IGFN1: variants seen among roughly 807,000 people sequenced by gnomAD.
The protein encoded by IGFN1 is immunoglobulin-like and fibronectin type III domain-containing protein 1.
IGFN1 carries 253 observed loss-of-function variants against 289.5 expected under a neutral mutation model. The observed-to-expected ratio is 0.87, with a 90% confidence interval of 0.79 to 0.97. The LOEUF is 0.97. IGFN1 is among the 50% of genes least tolerant of loss of function. IGFN1 has a pLI of 0.00. For missense variants in IGFN1, 4,470 were observed against 4,686.1 expected, an observed-to-expected ratio of 0.95 and a Z score of 1.35; for synonymous variants, 1,706 against 1,788.5, an observed-to-expected ratio of 0.95 and a Z score of 1.16.
Position 201,206,650 on chromosome 1 carries a change from G to T in IGFN1, c.1757G>T (p.Arg586Ile), listed in dbSNP as rs1172356409. The T allele has an allele frequency of 6.5e-7, 1 of 1,538,222 alleles. No individual in the cohort carries two copies. The highest frequency in any genetic ancestry group is 2.0e-5 in the Admixed American group (1 of 51,000). Residue 586 changes from arginine to isoleucine, a missense_variant, in exon 12 of 24, where the codon AGA becomes ATA. Arg to Ile is a moderately conservative substitution (Grantham distance 97, BLOSUM62 -3). This residue lies in a region of IGFN1 where 2,011 missense variants were observed against 1,953.4 expected (regional missense o/e 1.03). Transcript: ENST00000335211. ...AAGGAGCACAGAGGGGACAGTGGAA[G>T]ACAACTGGACAGGCATGCCCCAGAG... The part of the protein sequence containing the change: ...EGKEHRGDSG[R>I]QLDRHAPEQL...
intron 13 of IGFN1, among the ~76,000 whole-genome samples, chr1:201,214,571 AC>A (rs1396591287): frequency 1.3e-5 from 2 of 151,860 alleles, no homozygotes; most frequent in African/African-American, 4.8e-5. Flanking sequence ...GCTGAATCCT[AC>A]CCATCCTTCA....
chr1:201,200,450 C>T, intron 8 of IGFN1, 39 bp downstream of exon 8: 1 of 1,500,920 alleles, frequency 6.7e-7, no homozygotes, highest in East Asian at 2.5e-5. Context: ...CCATGCCCAC[C>T]CCACACACCT....
chr1:201,227,332 C>G (rs935398561), intron 23 of IGFN1, 124 bp downstream of exon 23: 3 of 658,650 alleles, frequency 4.6e-6, no homozygotes, highest in Non-Finnish European at 5.0e-6. Context: ...CCAGGACTCT[C>G]TGCCTGACTC....
At chr1:201,198,299 C>T (rs1666998606) in intron 5 of IGFN1, among the ~76,000 whole-genome samples, 1 of 152,156 alleles carries the variant, frequency 6.6e-6, no homozygotes, top group African/African-American at 2.4e-5. Context: ...CCATGCCTGG[C>T]TAATTTTTGT....
chr1:201,205,075 C>T lies in IGFN1; in HGVS notation c.917-7C>T. ...AGCTGATATCCCCATTCCTATTTCC[C>T]CGGCAGCCATCCCCCCAAGAGTGGT... On this transcript the variant is annotated splice_polypyrimidine_tract_variant and splice_region_variant and intron_variant, in intron 10 of 23. Transcript: ENST00000335211. 6.5e-7 allele frequency: 1 copy of T among 1,535,160 alleles called. No homozygotes were observed. Among genetic ancestry groups the T allele is most frequent in the Non-Finnish European group, 8.8e-7 (1 of 1,135,700 alleles).
In IGFN1 at chr1:201,199,666, C is replaced by A. The variant is rs778806311; in HGVS notation, c.458+12C>A. On this transcript the variant is annotated intron_variant, in intron 7 of 23. Transcript: ENST00000335211. ...TTGCTGAAAAAGAGGTGGGTTTGGG[C>A]CTGTCCATGAGGGATTTTGGAGGCT... 1.3e-6 allele frequency: 2 copies of A among 1,550,944 alleles called. No homozygotes were observed. Among genetic ancestry groups the A allele is most frequent in the South Asian group, 2.4e-5 (2 of 83,998 alleles).
At chr1:201,194,039 A>G in intron 2 of IGFN1, 115 bp from the exon 3 acceptor site, 1 of 1,212,444 alleles carries the variant, frequency 8.2e-7, no homozygotes, top group South Asian at 1.5e-5. Context: ...CAAAAGTAGG[A>G]GCGAGAAGGG....
intron 18 of IGFN1, among the ~76,000 whole-genome samples, chr1:201,219,924 TTTCTTTCTCTCTCTCCTTCC>T (rs199540614): frequency 0.29 from 43,748 of 150,994 alleles, 6,578 homozygotes; most frequent in South Asian, 0.42. Context: ...GTTCTTTTCT[TTTCTTTCTCTCTCTCCTTCC>T]TTCTTTCTCT....
intron 19 of IGFN1, chr1:201,222,192 T>C (rs188986176): frequency 1.3e-5 from 2 of 159,908 alleles, no homozygotes; most frequent in Admixed American, 6.4e-5. Context: ...CCCGTTATTA[T>C]TGAAAAGAGG....
Position 201,213,175 on chromosome 1 carries a change from G to C in IGFN1, c.8282G>C (p.Ser2761Thr). The C allele has an allele frequency of 6.4e-7, 1 of 1,551,658 alleles. No homozygotes were observed. Among genetic ancestry groups the C allele is most frequent in the Non-Finnish European group, 8.7e-7 (1 of 1,146,966 alleles). ...RDRSGGTQDL[S>T]SQRGKGQRGG... ...AGGTCAGGAGGGACCCAGGACCTGA[G>C]CTCTCAGCGAGGCAAGGGACAGAGA... is the stretch of plus-strand genomic sequence containing the variant. The change falls in exon 12 of 24, where the codon AGC (serine) becomes ACC (threonine). Residue 2761 changes from serine (S) to threonine (T), a missense_variant. Physicochemically the swap from Ser to Thr is moderately conservative, Grantham distance 58. Coordinates refer to ENST00000335211, the MANE Select transcript of IGFN1 (RefSeq NM_001164586.2).
intron 8 of IGFN1, 42 bp downstream of exon 8, chr1:201,200,453 A>C: frequency 6.8e-7 from 1 of 1,481,386 alleles, no homozygotes; most frequent in Non-Finnish European, 9.2e-7. Context: ...TGCCCACCCC[A>C]CACACCTGGA....
chr1:201,211,731 T>G lies in IGFN1; in HGVS notation c.6838T>G (p.Ser2280Ala). 1 of 1,536,960 alleles carries G rather than the reference T, an allele frequency of 6.5e-7. No homozygotes were observed. Among genetic ancestry groups the G allele is most frequent in the Non-Finnish European group, 8.7e-7 (1 of 1,146,804 alleles). Residue 2280 changes from serine (S) to alanine (A), a missense_variant, in exon 12 of 24, where the codon TCA becomes GCA. Ser to Ala is a moderately conservative substitution (Grantham distance 99). Transcript: ENST00000335211. Reference sequence around the variant, plus strand: ...TTTAGGCAGTTCTGGAAAAATCAGTTCAGGGGATGAGGCAGGTTATAAGAA... The same window carrying G: ...TTTAGGCAGTTCTGGAAAAATCAGTGCAGGGGATGAGGCAGGTTATAAGAA... ...NGLGSSGKIS[S>A]GDEAGYKNVL...
chr1:201,212,334 G>C lies in IGFN1; in HGVS notation c.7441G>C (p.Ala2481Pro). The change falls in exon 12 of 24, where the codon GCT (alanine) becomes CCT (proline). Residue 2481 changes from alanine (A) to proline (P), a missense_variant. Coordinates refer to ENST00000335211, the MANE Select transcript of IGFN1 (RefSeq NM_001164586.2). ...GTSGIPEASE[A>P]AGAKGKPDVK... The stretch of plus-strand genomic sequence containing the variant: ...TTCAGGGATCCCTGAGGCCTCGGAG[G>C]CTGCTGGTGCCAAGGGAAAACCAGA... The C allele has an allele frequency of 6.5e-7, 1 of 1,536,728 alleles. No homozygotes were observed. Among genetic ancestry groups the C allele is most frequent in the Non-Finnish European group, 8.7e-7 (1 of 1,146,798 alleles).
intron 19 of IGFN1, chr1:201,222,522 C>A: frequency 2.2e-6 from 1 of 461,062 alleles, no homozygotes; most frequent in Admixed American, 3.8e-5. Flanking sequence ...AGCTCCTGTC[C>A]CTCCCCCGCT....
chr1:201,209,453 G>A lies in IGFN1; in HGVS notation c.4560G>A (p.Gly1520=), dbSNP rs1418231490. Residue 1520 remains glycine (G), a synonymous_variant, in exon 12 of 24, where the codon GGG becomes GGA. Transcript: ENST00000335211. ...GTTATAGGGGTGGCTTAGGTTCTGG[G>A]GAAATGGGGTCTGTGGATAAGGCAG... ...KAGYRGGLGS[G]EMGSVDKAGY... The A allele has an allele frequency of 7.2e-6, 11 of 1,536,004 alleles. No homozygotes were observed. The highest frequency in any genetic ancestry group is 2.4e-5 in the East Asian group (1 of 40,888).
At chr1:201,214,988 TCTC>T (rs1412842141) in intron 13 of IGFN1, 22 bp from the exon 14 acceptor site, 1 of 1,609,114 alleles carries the variant, frequency 6.2e-7, no homozygotes, top group South Asian at 1.1e-5. Context: ...GGGGTGACCT[TCTC>T]CTGCTGTGGC....
At position 201,217,280 on chromosome 1, in the gene IGFN1, C is replaced by A. The variant is rs773552705; in HGVS notation, c.9596-7C>A. 6.2e-7 allele frequency: 1 copy of A among 1,612,194 alleles called. No homozygotes were observed. The highest frequency in any genetic ancestry group is 8.5e-7 in the Non-Finnish European group (1 of 1,179,186). On this transcript the variant is annotated splice_region_variant and splice_polypyrimidine_tract_variant and intron_variant, in intron 16 of 23. Transcript: ENST00000335211. The stretch of plus-strand genomic sequence containing the variant: ...CTCTGGCTGACTGGAATCTTTCTTA[C>A]CCCCAGCTCTCCCCAAGGCCCCTTC...
chr1:201,194,251 C>A lies in IGFN1; in HGVS notation c.105C>A (p.Pro35=), dbSNP rs147277196. 2 of 1,551,494 alleles carry A rather than the reference C, an allele frequency of 1.3e-6. No homozygotes were observed. Among genetic ancestry groups the A allele is most frequent in the Non-Finnish European group, 1.7e-6 (2 of 1,146,908 alleles). The change falls in exon 3 of 24, where the codon CCC becomes CCA. Residue 35 remains proline, a synonymous_variant. Transcript: ENST00000335211. ...GCSTPDFEQK[P]VTSALPEGKN... is the part of the protein sequence containing the mutation. ...GCACGCCGGACTTTGAGCAGAAGCCCGTCACCTCGGCTCTGCCAGAGGGTG... is the reference window on the plus strand; with the variant it reads ...GCACGCCGGACTTTGAGCAGAAGCCAGTCACCTCGGCTCTGCCAGAGGGTG...
In IGFN1 at chr1:201,214,282, G is replaced by C. The variant is rs753372872; in HGVS notation, c.8834G>C (p.Trp2945Ser). Residue 2945 changes from tryptophan to serine, a missense_variant, in exon 13 of 24, where the codon TGG (tryptophan) becomes TCG (serine). By Grantham distance (177) the Trp-to-Ser change is radical (BLOSUM62 -3). Coordinates refer to ENST00000335211, the MANE Select transcript of IGFN1 (RefSeq NM_001164586.2). ...ACCAGTGACCTGGGACCTGGCACCT[G>C]GTTTAAGGATGGCGTCAAGGTACTG... The part of the protein sequence containing the change: ...TLTSDLGPGT[W>S]FKDGVKLTTQ... 3.1e-6 allele frequency: 5 copies of C among 1,611,406 alleles called. No homozygotes were observed. In the African/African-American group the frequency reaches 6.7e-5, roughly 22 times the overall value.
Sources: gnomAD v4.1 joint callset for allele counts (sites outside exome capture counted in the v4.1 genomes callset) on GRCh38, gnomAD v4.1.1 for gene constraint, gnomAD v4.1.1 regional missense constraint, MANE v1.5 for transcripts, NCBI Gene and HGNC (gene_info 2026-07-23, HGNC 2026-07-21) for gene names.